Variants in MGAM observed in about 807,000 individuals in gnomAD.
MGAM encodes maltase-glucoamylase, also known as alpha-1,4-glucosidase.
A neutral mutation model predicts 358.8 loss-of-function variants in MGAM; 253 were observed. That is an observed-to-expected ratio of 0.71 (90% CI 0.64 to 0.78). The LOEUF (loss-of-function observed/expected upper bound fraction) is 0.78, where lower values mean the gene tolerates loss of function less well. Ranked by LOEUF, MGAM falls within the 30% of genes least tolerant of loss-of-function variation. The probability of loss-of-function intolerance (pLI) is 0.00; values close to 1 mark genes in which losing one functional copy is unlikely to be tolerated. For missense variants in MGAM, 3,080 were observed against 3,432.6 expected, an observed-to-expected ratio of 0.90 and a Z score of 2.57; for synonymous variants, 1,105 against 1,227.1, an observed-to-expected ratio of 0.90 and a Z score of 2.08.
At chr7:142,021,882 AT>A in intron 6 of MGAM, 145 bp downstream of exon 6, 4 of 831,202 alleles carry the variant, frequency 4.8e-6, no homozygotes, top group Non-Finnish European at 5.7e-6. Flanking sequence ...TAAAGTATAC[AT>A]TTTTTTCTGG....
At chr7:142,082,285 C>T (rs1324135949) in intron 51 of MGAM, 75 bp downstream of exon 51, 1 of 1,474,080 alleles carries the variant, frequency 6.8e-7, no homozygotes. Flanking sequence ...GCTTCATCTT[C>T]CCAAACTCCA....
rs746558118 is a variant in MGAM, at chr7:142,068,857, C to T, written c.5061+154C>T. ...TTAACCCTTGTAATCTCAGTTTTCT[C>T]ACCTCCAAGTGGGGTAAGACCACTT... On this transcript the variant is annotated intron_variant, in intron 43 of 70. Transcript: ENST00000475668. 5.7e-4 allele frequency among the ~76,000 whole-genome samples: 84 copies of T among 146,372 alleles called. 16 individuals carry two copies. The highest frequency in any genetic ancestry group is 1.2e-4 in the Non-Finnish European group (8 of 64,648).
chr7:142,067,935 A>AATATATATATATATATATAT (rs547783903), intron 42 of MGAM, among the ~76,000 whole-genome samples: 1 of 29,192 alleles, frequency 3.4e-5, no homozygotes, highest in Non-Finnish European at 8.7e-5. Context: ...ACCTCCCTCA[A>AATATATATATATATATATAT]ATATATATAT....
At chr7:142,088,747 G>GTCTGTCTGTCTGTCTA (rs1311472109) in intron 57 of MGAM, among the ~76,000 whole-genome samples, 45 of 93,516 alleles carry the variant, frequency 4.8e-4, no homozygotes, top group African/African-American at 2.0e-3. Context: ...CTGTCTGTCT[G>GTCTGTCTGTCTGTCTA]TCTATCTATC....
At chr7:142,092,671 A>G (rs1585098969) in intron 59 of MGAM, 63 bp downstream of exon 59, 1 of 1,399,828 alleles carries the variant, frequency 7.1e-7, no homozygotes, top group East Asian at 2.5e-5. Flanking sequence ...ACACTGGAGG[A>G]GCCCGAGGCC....
chr7:142,099,479 T>G, intron 66 of MGAM, 134 bp from the exon 67 acceptor site: 1 of 1,376,194 alleles, frequency 7.3e-7, no homozygotes, highest in Non-Finnish European at 1.0e-6. Flanking sequence ...GCAGAATGGG[T>G]AATGGCAGGT....
At chr7:142,057,738 A>G (rs921648470) in intron 30 of MGAM, among the ~76,000 whole-genome samples, 1 of 152,070 alleles carries the variant, frequency 6.6e-6, no homozygotes, top group Non-Finnish European at 1.5e-5. Context: ...CGCATCACTG[A>G]TTTATCACTT....
chr7:142,003,382 T>G (rs542996369), intron 1 of MGAM, among the ~76,000 whole-genome samples: 1 of 151,848 alleles, frequency 6.6e-6, no homozygotes, highest in East Asian at 1.9e-4. Flanking sequence ...TATAAATCGG[T>G]AGAAAAGAAT....
intron 26 of MGAM, among the ~76,000 whole-genome samples, 152 bp from the exon 27 acceptor site, chr7:142,054,602 T>C (rs1811306263): frequency 2.0e-5 from 3 of 152,142 alleles, no homozygotes; most frequent in African/African-American, 7.2e-5. Flanking sequence ...AAATGTGACA[T>C]TGTTATCTGA....
At chr7:142,097,238 G>T (rs114703439) in intron 65 of MGAM, among the ~76,000 whole-genome samples, 1,810 of 152,102 alleles carry the variant, frequency 0.012, 40 homozygotes, top group African/African-American at 0.042. Context: ...TGTCCAGCCC[G>T]CAAATCTTAT....
At chr7:141,995,339 TC>T (rs1804151471), upstream of MGAM, among the ~76,000 whole-genome samples, 1 of 152,150 alleles carries the variant, frequency 6.6e-6, no homozygotes, top group South Asian at 2.1e-4. Context: ...TATTTATAGT[TC>T]TGCAAAGGCA....
chr7:142,015,360 G>A (rs1163658822), intron 3 of MGAM, among the ~76,000 whole-genome samples: 1 of 152,022 alleles, frequency 6.6e-6, no homozygotes, highest in Non-Finnish European at 1.5e-5. Context: ...ATGAACAAAA[G>A]TTTTACATTT....
chr7:142,045,335 A>G (rs1161171449), intron 21 of MGAM, among the ~76,000 whole-genome samples: 5 of 111,974 alleles, frequency 4.5e-5, no homozygotes, highest in African/African-American at 1.8e-4. Flanking sequence ...TATATAATAT[A>G]TATTATATGT....
intron 30 of MGAM, among the ~76,000 whole-genome samples, chr7:142,057,344 A>C (rs886152181): frequency 6.7e-6 from 1 of 150,234 alleles, no homozygotes; most frequent in African/African-American, 2.5e-5. Context: ...GTTGGTGATG[A>C]TGACGGTGAT....
At chr7:142,104,259 G>A (rs1816668440) in intron 70 of MGAM, among the ~76,000 whole-genome samples, 1 of 152,178 alleles carries the variant, frequency 6.6e-6, no homozygotes, top group African/African-American at 2.4e-5. Context: ...AAAATGTTGA[G>A]TGGAGATACA....
intron 21 of MGAM, 133 bp downstream of exon 21, chr7:142,040,979 A>G: frequency 9.3e-7 from 1 of 1,079,238 alleles, no homozygotes; most frequent in Admixed American, 3.2e-5. Context: ...TTTTAGCACC[A>G]AAAGTCTCTT....
intron 21 of MGAM, among the ~76,000 whole-genome samples, chr7:142,045,178 A>G (rs1563156530): frequency 1.8e-5 from 1 of 55,526 alleles, no homozygotes; most frequent in Non-Finnish European, 3.3e-5. Flanking sequence ...TATATTATAT[A>G]ACATATATGA....
At chr7:142,045,261 A>T (rs1415046053) in intron 21 of MGAM, among the ~76,000 whole-genome samples, 1 of 83,454 alleles carries the variant, frequency 1.2e-5, no homozygotes, top group African/African-American at 4.9e-5. Flanking sequence ...GATATATAAT[A>T]TATATTATAT....
rs1413758165 is a variant in MGAM, at chr7:142,085,505, G to C, written c.6508-328G>C. On this transcript the variant is annotated intron_variant, in intron 54 of 70. Transcript: ENST00000475668. ...CCACTGATACCAGGGGCAGCCTCTT[G>C]AGGGAGGTCATCACAGTCACTCCTG... is the stretch of plus-strand genomic sequence containing the variant. Among the ~76,000 whole-genome samples, 2 of 146,074 alleles carry C rather than the reference G, an allele frequency of 1.4e-5. 1 individual carries two copies. The highest frequency in any genetic ancestry group is 3.1e-5 in the Non-Finnish European group (2 of 64,576).
Sources: gnomAD v4.1 joint callset for allele counts (sites outside exome capture counted in the v4.1 genomes callset) on GRCh38, gnomAD v4.1.1 for gene constraint, MANE v1.5 for transcripts, NCBI Gene and HGNC (gene_info 2026-07-23, HGNC 2026-07-21) for gene names.